CTDSPL: variants seen among roughly 807,000 people sequenced by gnomAD.
CTDSPL encodes CTD small phosphatase like.
Under a neutral mutation model 30.5 loss-of-function variants are expected in CTDSPL, and 8 were observed. The ratio of observed to expected loss-of-function variants is 0.26; its 90% confidence interval spans 0.15 to 0.47. The LOEUF is 0.47. Among genes scored for constraint, CTDSPL ranks in the 20% least tolerant of loss-of-function variants. The pLI is 0.99. For synonymous variants in CTDSPL, 110 were observed against 137.9 expected (o/e 0.80, Z 1.42); for missense variants, 248 against 366.1 (o/e 0.68, Z 2.63).
chr3:37,928,864 T>G (rs1246324684), intron 1 of CTDSPL, among the ~76,000 whole-genome samples: 1 of 152,226 alleles, frequency 6.6e-6, no homozygotes, highest in Non-Finnish European at 1.5e-5. Flanking sequence ...AAGACCAATG[T>G]TATGAAGTTT....
intron 1 of CTDSPL, among the ~76,000 whole-genome samples, chr3:37,894,153 C>G (rs1698364220): frequency 6.6e-6 from 1 of 152,126 alleles, no homozygotes; most frequent in South Asian, 2.1e-4. Flanking sequence ...ACAATCGTAG[C>G]TCACTGCAGC....
At chr3:37,971,223 C>A (rs988710710) in intron 5 of CTDSPL, among the ~76,000 whole-genome samples, 184 bp from the exon 6 acceptor site, 3 of 152,236 alleles carry the variant, frequency 2.0e-5, no homozygotes, top group Admixed American at 2.0e-4. Flanking sequence ...GGAGCCCTGT[C>A]TGAGGAGTGC....
intron 1 of CTDSPL, among the ~76,000 whole-genome samples, chr3:37,912,228 T>A (rs73058917): frequency 0.026 from 4,001 of 152,262 alleles, 67 homozygotes; most frequent in Middle Eastern, 0.044. Flanking sequence ...GTGGCATGGC[T>A]TCCCCCTAGT....
Position 37,982,570 on chromosome 3 carries a change from G to C in CTDSPL, c.*1703G>C, listed in dbSNP as rs758516128. On this transcript the variant is annotated 3_prime_UTR_variant, in exon 8 of 8. Transcript: ENST00000273179. ...GTTTTGCTTTCATTCACAAAGTAAT[G>C]AAGCCAGCTGCCAATTACATCCTCC... 1 of 456,722 alleles carries C rather than the reference G, an allele frequency of 2.2e-6. No individual in the cohort carries two copies. Among genetic ancestry groups the C allele is most frequent in the South Asian group, 1.5e-5 (1 of 64,572 alleles). The allele number at this position is 456,722 out of a possible 1,614,324, so 28.3% of individuals were successfully genotyped here.
intron 1 of CTDSPL, among the ~76,000 whole-genome samples, chr3:37,923,331 T>C (rs1698739526): frequency 6.6e-6 from 1 of 152,158 alleles, no homozygotes. Context: ...AGCTCTTCTT[T>C]TGGGAAACCC....
chr3:37,948,814 T>TTTTTTTTTA (rs752546214), intron 2 of CTDSPL, among the ~76,000 whole-genome samples: 1 of 133,556 alleles, frequency 7.5e-6, no homozygotes, highest in Non-Finnish European at 1.6e-5. Context: ...CTTTCTTTTT[T>TTTTTTTTTA]TTTTTTTTTT....
At chr3:37,902,925 T>A (rs1245914945) in intron 1 of CTDSPL, among the ~76,000 whole-genome samples, 1 of 152,178 alleles carries the variant, frequency 6.6e-6, no homozygotes. Context: ...ATTGCACAAC[T>A]CTAGGGGGCA....
chr3:37,971,299 G>A, intron 5 of CTDSPL, 108 bp from the exon 6 acceptor site: 1 of 924,534 alleles, frequency 1.1e-6, no homozygotes, highest in Non-Finnish European at 1.7e-6. Flanking sequence ...ACCTGGGGGA[G>A]GGAGGCAGGA....
chr3:37,969,359 G>T, intron 5 of CTDSPL: 1 of 505,376 alleles, frequency 2.0e-6, no homozygotes, highest in Non-Finnish European at 4.1e-6. Context: ...AGGGAATGAA[G>T]CCACAGGAGC....
intron 6 of CTDSPL, among the ~76,000 whole-genome samples, chr3:37,974,997 AT>A (rs1699409385): frequency 6.6e-6 from 1 of 152,194 alleles, no homozygotes. Flanking sequence ...AAATCAAGCA[AT>A]CCCACATAGT....
At chr3:37,887,554 A>G (rs999208992) in intron 1 of CTDSPL, among the ~76,000 whole-genome samples, 2 of 152,220 alleles carry the variant, frequency 1.3e-5, no homozygotes, top group Non-Finnish European at 2.9e-5. Flanking sequence ...TCAAACTATA[A>G]AAATAATTAT....
intron 7 of CTDSPL, among the ~76,000 whole-genome samples, chr3:37,979,736 G>C (rs1161951011): frequency 1.3e-5 from 2 of 152,112 alleles, no homozygotes; most frequent in Non-Finnish European, 2.9e-5. Context: ...CTCAAGCCTG[G>C]GTGACAGAGT....
chr3:37,922,474 T>C (rs898428465), intron 1 of CTDSPL, among the ~76,000 whole-genome samples: 6 of 152,166 alleles, frequency 3.9e-5, no homozygotes, highest in African/African-American at 1.2e-4. Context: ...AATGGGAAGA[T>C]AGATGTCAGG....
At chr3:37,913,329 A>G (rs565816217) in intron 1 of CTDSPL, among the ~76,000 whole-genome samples, 1 of 152,288 alleles carries the variant, frequency 6.6e-6, no homozygotes, top group African/African-American at 2.4e-5. Flanking sequence ...CAAAAAAGAA[A>G]AAGAAAAACA....
intron 7 of CTDSPL, among the ~76,000 whole-genome samples, chr3:37,976,850 G>A (rs1405856491): frequency 2.0e-5 from 3 of 151,824 alleles, no homozygotes; most frequent in Non-Finnish European, 4.4e-5. Context: ...CACTTCCAGG[G>A]GAAAAGAGGC....
intron 1 of CTDSPL, among the ~76,000 whole-genome samples, chr3:37,866,689 T>C (rs1021843545): frequency 1.3e-5 from 2 of 152,238 alleles, no homozygotes; most frequent in Non-Finnish European, 2.9e-5. Flanking sequence ...ATGAGATTTC[T>C]GCAGGAAAAT....
intron 1 of CTDSPL, among the ~76,000 whole-genome samples, chr3:37,909,584 T>G (rs1698557292): frequency 6.6e-6 from 1 of 152,276 alleles, no homozygotes; most frequent in Non-Finnish European, 1.5e-5. Flanking sequence ...CTGGCATATC[T>G]GGTAACCAAC....
Position 37,900,114 on chromosome 3 carries a change from T to A in CTDSPL, c.79+37836T>A, listed in dbSNP as rs575890352. Among the ~76,000 whole-genome samples the A allele has an allele frequency of 9.2e-5, 14 of 152,308 alleles. No individual in the cohort carries two copies. The South Asian group carries it at 2.3e-3, about 25-fold the overall frequency. On this transcript the variant is annotated intron_variant, in intron 1 of 7. Coordinates refer to ENST00000273179, the MANE Select transcript of CTDSPL (RefSeq NM_001008392.2). Reference sequence around the variant, plus strand: ...GAATTTTTGTTGCCTTTGAGCTTTATCACTGAATTACACCTTGGGTTAGAA... The same window carrying A: ...GAATTTTTGTTGCCTTTGAGCTTTAACACTGAATTACACCTTGGGTTAGAA...
intron 1 of CTDSPL, among the ~76,000 whole-genome samples, chr3:37,936,681 G>A (rs940894510): frequency 3.1e-5 from 4 of 130,814 alleles, no homozygotes; most frequent in Non-Finnish European, 4.8e-5. Flanking sequence ...AAAAAAAAAA[G>A]GTGTTTAGCT....
Sources: gnomAD v4.1 joint callset for allele counts (sites outside exome capture counted in the v4.1 genomes callset) on GRCh38, gnomAD v4.1.1 for gene constraint, MANE v1.5 for transcripts, NCBI Gene and HGNC (gene_info 2026-07-23, HGNC 2026-07-21) for gene names.